DNAH5: variants seen among roughly 807,000 people sequenced by gnomAD.
The protein encoded by DNAH5 is axonemal beta dynein heavy chain 5.
A neutral mutation model predicts 518.2 loss-of-function variants in DNAH5; 372 were observed. The ratio of observed to expected loss-of-function variants is 0.72; its 90% CI spans 0.66 to 0.78. The LOEUF is 0.78. Among genes scored for constraint, DNAH5 ranks in the 30% least tolerant of loss-of-function variants. The pLI is 0.00. For missense variants in DNAH5, 5,523 were observed against 5,687.0 expected (o/e 0.97, Z 0.93); for synonymous variants, 2,039 against 2,025.9 (o/e 1.01, Z -0.17).
chr5:13,721,938 T>C (rs1311163889), intron 70 of DNAH5, among the ~76,000 whole-genome samples: 2 of 152,236 alleles, frequency 1.3e-5, no homozygotes, highest in Admixed American at 6.5e-5. Context: ...ACAAATGGTA[T>C]TGTGAATATG....
intron 21 of DNAH5, among the ~76,000 whole-genome samples, chr5:13,877,262 G>T (rs1771029875): frequency 6.6e-6 from 1 of 152,126 alleles, no homozygotes; most frequent in Non-Finnish European, 1.5e-5. Flanking sequence ...CTGTCTGGGA[G>T]CTCCCTGGAA....
intron 42 of DNAH5, 43 bp downstream of exon 42, chr5:13,817,505 C>T: frequency 1.3e-6 from 2 of 1,589,542 alleles, no homozygotes; most frequent in South Asian, 1.1e-5. Flanking sequence ...AGGATTCTAT[C>T]TAGAAGTATA....
intron 47 of DNAH5, among the ~76,000 whole-genome samples, chr5:13,794,862 G>A (rs1757586225): frequency 6.6e-6 from 1 of 152,180 alleles, no homozygotes; most frequent in Admixed American, 6.5e-5. Context: ...AGCTATTCGG[G>A]AGGCTGAGGC....
intron 1 of DNAH5, among the ~76,000 whole-genome samples, chr5:13,935,284 A>G (rs1276352721): frequency 6.6e-6 from 1 of 152,134 alleles, no homozygotes; most frequent in Non-Finnish European, 1.5e-5. Context: ...TCATAACCCA[A>G]TTGTTTCTGA....
chr5:13,723,549 C>A (rs1343188639), intron 70 of DNAH5, among the ~76,000 whole-genome samples: 1 of 152,194 alleles, frequency 6.6e-6, no homozygotes, highest in Non-Finnish European at 1.5e-5. Flanking sequence ...TACTATGGGG[C>A]CAGATGGTAA....
intron 47 of DNAH5, among the ~76,000 whole-genome samples, chr5:13,795,593 G>A (rs1432786902): frequency 2.6e-5 from 4 of 152,156 alleles, no homozygotes; most frequent in Admixed American, 6.5e-5. Context: ...AGGACCAGAC[G>A]GATTCACAGC....
chr5:13,750,447 T>A (rs1750052493), intron 65 of DNAH5, among the ~76,000 whole-genome samples: 1 of 152,194 alleles, frequency 6.6e-6, no homozygotes. Flanking sequence ...ATTAAGTTAT[T>A]CCATAAAACA....
chr5:13,939,329 T>G (rs1446529050), intron 1 of DNAH5, among the ~76,000 whole-genome samples: 1 of 152,216 alleles, frequency 6.6e-6, no homozygotes, highest in South Asian at 2.1e-4. Flanking sequence ...GGATCCATGC[T>G]GTTGTGCCTG....
intron 35 of DNAH5, among the ~76,000 whole-genome samples, chr5:13,834,840 C>T (rs560062497): frequency 3.9e-5 from 6 of 152,326 alleles, no homozygotes; most frequent in African/African-American, 9.6e-5. Flanking sequence ...CACAGGCCCA[C>T]GTGAGGACGT....
intron 65 of DNAH5, among the ~76,000 whole-genome samples, chr5:13,746,348 G>A (rs1031299691): frequency 6.6e-6 from 1 of 152,108 alleles, no homozygotes; most frequent in African/African-American, 2.4e-5. Context: ...ATTAACAGGT[G>A]AACTCAAATC....
intron 2 of DNAH5, among the ~76,000 whole-genome samples, chr5:13,930,149 T>A (rs1454333069): frequency 6.6e-6 from 1 of 152,148 alleles, no homozygotes; most frequent in Non-Finnish European, 1.5e-5. Context: ...TTCTTAATTG[T>A]TCCCCAACTC....
In DNAH5 at chr5:13,928,327, G is replaced by A. The variant is rs1778088701; in HGVS notation, c.193-149C>T. On this transcript the variant is annotated intron_variant, in intron 2 of 78. Transcript: ENST00000265104. Reference sequence around the variant, plus strand: ...TCTAATGTATCCTATAAAAAAGGGAGCATTTACATCAAAAGAATAAATGTC... The same window carrying A: ...TCTAATGTATCCTATAAAAAAGGGAACATTTACATCAAAAGAATAAATGTC... The A allele has an allele frequency of 1.3e-5, 8 of 625,838 alleles. No homozygotes were observed. In the East Asian group the frequency reaches 2.2e-4, roughly 17 times the overall value. 38.8% of individuals were successfully genotyped at this position (625,838 alleles called of 1,614,324 possible). A position where few individuals can be genotyped will look rare whatever the true frequency, so the allele number is the denominator to read the frequency against.
chr5:13,833,976 GACA>G (rs1357400051), intron 35 of DNAH5, among the ~76,000 whole-genome samples: 3 of 152,242 alleles, frequency 2.0e-5, no homozygotes, highest in Admixed American at 6.5e-5. Flanking sequence ...GTGAAGGGCT[GACA>G]ACATGTCAGT....
chr5:13,953,504 T>C (rs1026148925), intron 1 of DNAH5, among the ~76,000 whole-genome samples: 3 of 152,200 alleles, frequency 2.0e-5, no homozygotes, highest in African/African-American at 4.8e-5. Context: ...CAGTCATTGA[T>C]TGAAGTAAAT....
intron 59 of DNAH5, 30 bp downstream of exon 59, chr5:13,765,946 C>T (rs1752454147): frequency 6.2e-7 from 1 of 1,605,596 alleles, no homozygotes; most frequent in African/African-American, 1.3e-5. Context: ...AATGAGTTCC[C>T]TCTTAGCCCA....
At chr5:13,708,356 G>T (rs1465673074) in intron 75 of DNAH5, 21 bp from the exon 76 acceptor site, 1 of 1,612,356 alleles carries the variant, frequency 6.2e-7, no homozygotes. Context: ...GACATTCAAA[G>T]CACATGTTAA....
At chr5:13,711,789 A>G (rs955404991) in intron 75 of DNAH5, among the ~76,000 whole-genome samples, 2 of 152,210 alleles carry the variant, frequency 1.3e-5, no homozygotes, top group Admixed American at 1.3e-4. Flanking sequence ...GCAAAAAAAT[A>G]AAATACTTAG....
intron 50 of DNAH5, among the ~76,000 whole-genome samples, chr5:13,791,690 A>G (rs996892223): frequency 6.6e-6 from 1 of 152,212 alleles, no homozygotes; most frequent in African/African-American, 2.4e-5. Flanking sequence ...TATAAGAAAC[A>G]TATCTTCTTC....
Position 13,751,181 on chromosome 5 carries a change from T to C in DNAH5, c.11108A>G (p.Tyr3703Cys). 1 of 1,613,928 alleles carries C rather than the reference T, an allele frequency of 6.2e-7. No homozygotes were observed. Among genetic ancestry groups the C allele is most frequent in the Non-Finnish European group, 8.5e-7 (1 of 1,179,912 alleles). The part of the protein sequence containing the change: ...YITTKLPNPA[Y>C]TPEISARTSI... ...GGTACGGGCACTTATCTCAGGGGTG[T>C]AGGCTGGGTTAGGCAATTTGGTGGT... The change falls in exon 65 of 79, where the codon TAC becomes TGC. Residue 3703 changes from tyrosine to cysteine, a missense_variant. By Grantham distance (194) the Tyr-to-Cys change is radical (BLOSUM62 -2). Coordinates refer to ENST00000265104, the MANE Select transcript of DNAH5 (RefSeq NM_001369.3).
Sources: allele counts gnomAD v4.1 joint callset (sites outside exome capture counted in the v4.1 genomes callset), GRCh38; gene constraint gnomAD v4.1.1; transcripts MANE v1.5; gene names NCBI Gene and HGNC (gene_info 2026-07-23, HGNC 2026-07-21).